CEP250: variants seen among roughly 807,000 people sequenced by gnomAD.
CEP250 encodes centrosome-associated protein CEP250.
In CEP250, 242 loss-of-function variants were observed where a neutral mutation model predicts 315.7. The ratio of observed to expected loss-of-function variants is 0.77; its 90% CI spans 0.69 to 0.85. The LOEUF is 0.85. Ranked by LOEUF, CEP250 falls within the 40% of genes least tolerant of loss-of-function variation. The pLI, the probability that CEP250 is intolerant of heterozygous loss-of-function variation, is 0.00. For synonymous variants in CEP250, 1,088 were observed against 1,175.0 expected, an observed-to-expected ratio of 0.93 and a Z score of 1.51; for missense variants, 2,515 against 2,886.4, an observed-to-expected ratio of 0.87 and a Z score of 2.95.
chr20:35,492,450 G>A (rs548440686), intron 22 of CEP250, among the ~76,000 whole-genome samples: 10 of 152,162 alleles, frequency 6.6e-5, no homozygotes, highest in Middle Eastern at 6.8e-3. Flanking sequence ...CACAGTATAC[G>A]TTAAATGAGT....
chr20:35,498,374 A>T (rs959731973), intron 26 of CEP250, among the ~76,000 whole-genome samples: 1 of 152,190 alleles, frequency 6.6e-6, no homozygotes, highest in African/African-American at 2.4e-5. Context: ...GGTTCCTGGC[A>T]CTTATTAAGT....
chr20:35,472,773 C>T lies in CEP250; in HGVS notation c.1151C>T (p.Ala384Val), dbSNP rs2063057243. Reference sequence around the variant, plus strand: ...TTCTCCCAGTTTGATTACCAGGATGCAGACAAGGCTCTTACTCTGGTGCGT... The same window carrying T: ...TTCTCCCAGTTTGATTACCAGGATGTAGACAAGGCTCTTACTCTGGTGCGT... The part of the protein sequence containing the change: ...SIFSQFDYQD[A>V]DKALTLVRSV... The change falls in exon 12 of 35, where the codon GCA becomes GTA. Residue 384 changes from alanine to valine, a missense_variant. Coordinates refer to ENST00000397527, the MANE Select transcript of CEP250 (RefSeq NM_007186.6). 4 of 1,614,126 alleles carry T rather than the reference C, an allele frequency of 2.5e-6. No homozygotes were observed. The East Asian group carries it at 6.7e-5, about 27-fold the overall frequency.
chr20:35,459,228 G>A (rs1475099303), intron 2 of CEP250, among the ~76,000 whole-genome samples: 2 of 129,002 alleles, frequency 1.6e-5, no homozygotes, highest in Non-Finnish European at 3.1e-5. Context: ...TCTGCAAGAT[G>A]AGGGGGGTGG....
intron 16 of CEP250, 80 bp from the exon 17 acceptor site, chr20:35,477,791 G>C (rs2146851194): frequency 9.0e-7 from 1 of 1,109,740 alleles, no homozygotes; most frequent in South Asian, 1.5e-5. Context: ...TATCTCACTT[G>C]GATTTCAGTC....
chr20:35,495,224 C>T (rs890854735), intron 24 of CEP250, among the ~76,000 whole-genome samples: 1 of 152,100 alleles, frequency 6.6e-6, no homozygotes, highest in Non-Finnish European at 1.5e-5. Context: ...GTAATTGGAG[C>T]CTGGTGAATG....
intron 27 of CEP250, among the ~76,000 whole-genome samples, 185 bp from the exon 28 acceptor site, chr20:35,499,864 G>A (rs1331184001): frequency 6.6e-6 from 1 of 152,208 alleles, no homozygotes; most frequent in African/African-American, 2.4e-5. Context: ...TCCAAGTGGA[G>A]CAGAGCCTGT....
At chr20:35,477,753 C>A (rs1244238991) in intron 16 of CEP250, 118 bp from the exon 17 acceptor site, 2 of 815,802 alleles carry the variant, frequency 2.5e-6, no homozygotes, top group East Asian at 5.4e-5. Context: ...ATAAACACTC[C>A]TTTGTTCATC....
At chr20:35,494,166 G>T (rs925519115) in intron 23 of CEP250, among the ~76,000 whole-genome samples, 6 of 152,108 alleles carry the variant, frequency 3.9e-5, no homozygotes, top group African/African-American at 1.2e-4. Flanking sequence ...TAGAGACAGG[G>T]TCTCACTATG....
intron 14 of CEP250, among the ~76,000 whole-genome samples, chr20:35,475,014 A>G (rs931917187): frequency 2.0e-5 from 3 of 152,148 alleles, no homozygotes; most frequent in Admixed American, 6.5e-5. Flanking sequence ...TCCCTGTACC[A>G]AGGAGAAGGG....
Position 35,467,366 on chromosome 20 carries a change from T to C in CEP250, c.662T>C (p.Leu221Pro). 2 of 1,614,168 alleles carry C rather than the reference T, an allele frequency of 1.2e-6. No individual in the cohort carries two copies. Among genetic ancestry groups the C allele is most frequent in the Non-Finnish European group, 8.5e-7 (1 of 1,180,026 alleles). ...TCAGGGTCTCTGTTGACCTGTTGTC[T>C]GCGCTTGACTGTGGGAGCACAGTCT... The part of the protein sequence containing the change: ...RLSGSLLTCC[L>P]RLTVGAQSRE... The change falls in exon 9 of 35, where the codon CTG (leucine) becomes CCG (proline). Residue 221 changes from leucine to proline, a missense_variant. Coordinates refer to ENST00000397527, the MANE Select transcript of CEP250 (RefSeq NM_007186.6).
At chr20:35,467,925 A>G (rs2062927668) in intron 9 of CEP250, among the ~76,000 whole-genome samples, 1 of 148,422 alleles carries the variant, frequency 6.7e-6, no homozygotes, top group Admixed American at 6.7e-5. Flanking sequence ...CCTCTAAGAC[A>G]TAGTTCAAAT....
chr20:35,470,015 T>C (rs762996830), intron 10 of CEP250, 29 bp downstream of exon 10: 1 of 1,485,822 alleles, frequency 6.7e-7, no homozygotes, highest in Non-Finnish European at 9.4e-7. Flanking sequence ...TGGAAAGGAG[T>C]TGGGCGTGGG....
chr20:35,462,621 A>C, intron 4 of CEP250, 68 bp downstream of exon 4: 1 of 1,402,170 alleles, frequency 7.1e-7, no homozygotes, highest in East Asian at 2.5e-5. Flanking sequence ...GAGGTGAGAT[A>C]AGGGTTGCAG....
Position 35,498,620 on chromosome 20 carries a change from T to A in CEP250, c.3681T>A (p.Phe1227Leu). 3 of 1,604,156 alleles carry A rather than the reference T, an allele frequency of 1.9e-6. No homozygotes were observed. The highest frequency in any genetic ancestry group is 2.5e-6 in the Non-Finnish European group (3 of 1,177,368). The change falls in exon 27 of 35, where the codon TTT (phenylalanine) becomes TTA (leucine). Residue 1227 changes from phenylalanine to leucine, a missense_variant. Transcript: ENST00000397527. Reference sequence around the variant, plus strand: ...ACCAGAATGGAGCTAGGAGCCTCTTTAAGAGAGGGCCCCTGCTGACTGCTC... The same window carrying A: ...ACCAGAATGGAGCTAGGAGCCTCTTAAAGAGAGGGCCCCTGCTGACTGCTC... ...EPDQNGARSL[F>L]KRGPLLTALS...
chr20:35,490,670 G>A lies in CEP250; in HGVS notation c.2620G>A (p.Ala874Thr). Residue 874 changes from alanine to threonine, a missense_variant, in exon 21 of 35, where the codon GCA (alanine) becomes ACA (threonine). Ala to Thr is a moderately conservative substitution (Grantham distance 58). Transcript: ENST00000397527. ...GCGCTCCTGGCACCAGCAGGAGCTGGCAAAGGCTCTGGAGAGCTTAGAAAG... is the reference window on the plus strand; with the variant it reads ...GCGCTCCTGGCACCAGCAGGAGCTGACAAAGGCTCTGGAGAGCTTAGAAAG... ...KERSWHQQELAKALESLEREK... is the reference protein window; with the variant it reads ...KERSWHQQELTKALESLEREK... 1 of 1,613,736 alleles carries A rather than the reference G, an allele frequency of 6.2e-7. No homozygotes were observed. The highest frequency in any genetic ancestry group is 8.5e-7 in the Non-Finnish European group (1 of 1,179,932).
At chr20:35,474,978 G>C in intron 14 of CEP250, 1 of 403,970 alleles carries the variant, frequency 2.5e-6, no homozygotes, top group South Asian at 1.8e-5. Flanking sequence ...CTGCCATAAG[G>C]GTCATGACTT....
Position 35,516,300 on chromosome 20 carries a change from A to T in CEP250, c.*4674A>T, listed in dbSNP as rs1295522546. The T allele has an allele frequency of 6.6e-6, 1 of 152,272 alleles. No individual in the cohort carries two copies. Among genetic ancestry groups the T allele is most frequent in the Non-Finnish European group, 1.5e-5 (1 of 68,054 alleles). The allele number at this position is 152,272 out of a possible 1,614,324, so 9.4% of individuals were successfully genotyped here. A position where few individuals can be genotyped will look rare whatever the true frequency, so the allele number is the denominator to read the frequency against. Reference sequence around the variant, plus strand: ...TACCAGTTGTTCAGGTGAGGGAATCAGGGAAGGCCAGATTAATAATCCACA... The same window carrying T: ...TACCAGTTGTTCAGGTGAGGGAATCTGGGAAGGCCAGATTAATAATCCACA... On this transcript the variant is annotated 3_prime_UTR_variant, in exon 35 of 35. Coordinates refer to ENST00000397527, the MANE Select transcript of CEP250 (RefSeq NM_007186.6).
chr20:35,511,291 G>T, intron 34 of CEP250, 72 bp from the exon 35 acceptor site: 1 of 1,321,264 alleles, frequency 7.6e-7, no homozygotes, highest in South Asian at 1.4e-5. Flanking sequence ...AGAGAACACA[G>T]AGCAGGAAGA....
rs763322037 is a variant in CEP250, at chr20:35,498,082, C to T, written c.3655+15C>T. On this transcript the variant is annotated intron_variant, in intron 26 of 34. Transcript: ENST00000397527. ...CCTTGAGCCAGGTGAGACAGCCTCC[C>T]CAGAACTAGGTCCTTTGGGCCAAAG... The T allele has an allele frequency of 1.3e-6, 2 of 1,530,064 alleles. No individual in the cohort carries two copies. The highest frequency in any genetic ancestry group is 4.1e-5 in the Admixed American group (2 of 49,198). The allele number at this position is 1,530,064 out of a possible 1,614,324, so 94.8% of individuals were successfully genotyped here.
Sources: allele counts gnomAD v4.1 joint callset (sites outside exome capture counted in the v4.1 genomes callset), GRCh38; gene constraint gnomAD v4.1.1; transcripts MANE v1.5; gene names NCBI Gene and HGNC (gene_info 2026-07-23, HGNC 2026-07-21).